The following SLC44A3 variants were observed in gnomAD, a reference collection of about 807,000 sequenced individuals.
SLC44A3 encodes the protein solute carrier family 44 member 3.
SLC44A3 carries 74 observed loss-of-function variants against 75.4 expected under a neutral mutation model. That is an observed-to-expected ratio of 0.98 (90% CI 0.81 to 1.19). The LOEUF (loss-of-function observed/expected upper bound fraction) is 1.19. SLC44A3 is among the 50% of genes most tolerant of loss of function. SLC44A3 has a pLI of 0.00. For synonymous variants in SLC44A3, 310 were observed against 296.9 expected, an observed-to-expected ratio of 1.04 and a Z score of -0.45; for missense variants, 700 against 778.6, an observed-to-expected ratio of 0.90 and a Z score of 1.20.
intron 5 of SLC44A3, among the ~76,000 whole-genome samples, chr1:94,831,065 C>T (rs1386738778): frequency 6.6e-6 from 1 of 152,168 alleles, no homozygotes; most frequent in East Asian, 1.9e-4. Context: ...TGAGTCAAGA[C>T]TTGATTTTAT....
chr1:94,894,804 C>T lies in SLC44A3; in HGVS notation c.1858-14C>T. 1 of 1,600,490 alleles carries T rather than the reference C, an allele frequency of 6.2e-7. No homozygotes were observed. Among genetic ancestry groups the T allele is most frequent in the Non-Finnish European group, 8.5e-7 (1 of 1,172,388 alleles). On this transcript the variant is annotated splice_polypyrimidine_tract_variant and intron_variant, in intron 14 of 14. Transcript: ENST00000271227. ...ACACATAATACTATTCTAACTTGTT[C>T]TTTTGTTTTTCAGAGTTTCGTAAAA... is the stretch of plus-strand genomic sequence containing the variant.
intron 9 of SLC44A3, among the ~76,000 whole-genome samples, chr1:94,850,614 G>T (rs1665101021): frequency 6.6e-6 from 1 of 152,198 alleles, no homozygotes; most frequent in Non-Finnish European, 1.5e-5. Context: ...CCCATCAAAT[G>T]ACCTGGAACC....
chr1:94,894,747 T>C (rs1670589386), intron 14 of SLC44A3, 71 bp from the exon 15 acceptor site: 2 of 1,313,836 alleles, frequency 1.5e-6, no homozygotes, highest in Non-Finnish European at 2.1e-6. Flanking sequence ...AGGAGAAGTT[T>C]TCCCTCGGCC....
chr1:94,851,874 C>T (rs1211408979), intron 9 of SLC44A3, among the ~76,000 whole-genome samples: 1 of 152,236 alleles, frequency 6.6e-6, no homozygotes, highest in African/African-American at 2.4e-5. Context: ...TCCTGACCAG[C>T]TGGACTGCCT....
At chr1:94,821,220 G>T (rs1321648540) in intron 2 of SLC44A3, among the ~76,000 whole-genome samples, 164 bp downstream of exon 2, 1 of 152,156 alleles carries the variant, frequency 6.6e-6, no homozygotes, top group Non-Finnish European at 1.5e-5. Context: ...TCCTAGACTC[G>T]CTAGAAAGGC....
rs1253898795 is a variant in SLC44A3 at position 94,891,282 on chromosome 1, C to G, written c.1620+15C>G. The G allele has an allele frequency of 6.3e-7, 1 of 1,592,682 alleles. No individual in the cohort carries two copies. Among genetic ancestry groups the G allele is most frequent in the African/African-American group, 1.4e-5 (1 of 73,446 alleles). On this transcript the variant is annotated intron_variant, in intron 13 of 14. Coordinates refer to ENST00000271227, the MANE Select transcript of SLC44A3 (RefSeq NM_001114106.3). Reference sequence around the variant, plus strand: ...TTCTAGGAAAGGTGAGATATCTTGACTAAATAAAGGAGCCTGGGATTCTGA... The same window carrying G: ...TTCTAGGAAAGGTGAGATATCTTGAGTAAATAAAGGAGCCTGGGATTCTGA...
chr1:94,859,949 C>T (rs1168195306), intron 10 of SLC44A3, among the ~76,000 whole-genome samples: 2 of 152,196 alleles, frequency 1.3e-5, no homozygotes, highest in African/African-American at 4.8e-5. Context: ...TTCCCTGACT[C>T]CTAGCAAAAC....
At chr1:94,854,342 ATTGT>A (rs1665587276) in intron 9 of SLC44A3, among the ~76,000 whole-genome samples, 1 of 152,190 alleles carries the variant, frequency 6.6e-6, no homozygotes, top group Non-Finnish European at 1.5e-5. Context: ...TGTGGCCCAC[ATTGT>A]TTGTCACACA....
chr1:94,893,387 C>CT (rs145525095), intron 14 of SLC44A3, among the ~76,000 whole-genome samples: 8,908 of 149,360 alleles, frequency 0.06, 351 homozygotes, highest in African/African-American at 0.1. Context: ...ACAAATTTTA[C>CT]TTTTTTTTTT....
intron 3 of SLC44A3, among the ~76,000 whole-genome samples, chr1:94,826,997 G>A (rs1661443244): frequency 6.6e-6 from 1 of 152,178 alleles, no homozygotes; most frequent in Non-Finnish European, 1.5e-5. Flanking sequence ...CTGCAGGAGG[G>A]TTCTCCTGAG....
chr1:94,859,000 G>A (rs996593889), intron 10 of SLC44A3, among the ~76,000 whole-genome samples: 1 of 152,110 alleles, frequency 6.6e-6, no homozygotes, highest in African/African-American at 2.4e-5. Context: ...ACCACTGTGG[G>A]TTTTTAATGT....
intron 5 of SLC44A3, among the ~76,000 whole-genome samples, chr1:94,835,467 G>A (rs1025520125): frequency 6.6e-6 from 1 of 152,244 alleles, no homozygotes; most frequent in Non-Finnish European, 1.5e-5. Flanking sequence ...CTGTGGTTAT[G>A]TAAGACATTT....
chr1:94,875,402 A>G (rs894045522), intron 12 of SLC44A3, among the ~76,000 whole-genome samples: 3 of 152,156 alleles, frequency 2.0e-5, no homozygotes, highest in Non-Finnish European at 2.9e-5. Context: ...CTCCCCTCAT[A>G]ATAGCGGAAT....
In SLC44A3 at chr1:94,864,686, G is replaced by A. The variant is rs551638422; in HGVS notation, c.1239-57G>A. 1.8e-4 allele frequency: 286 copies of A among 1,556,602 alleles called. 2 individuals carry two copies. The African/African-American group carries it at 3.4e-3, about 19-fold the overall frequency. ...TACCACAGATGATTGGAACCAGAGAGCTTTTGCTGCTTTATAAAAAGTGTT... is the reference window on the plus strand; with the variant it reads ...TACCACAGATGATTGGAACCAGAGAACTTTTGCTGCTTTATAAAAAGTGTT... On this transcript the variant is annotated intron_variant, in intron 10 of 14. Coordinates refer to ENST00000271227, the MANE Select transcript of SLC44A3 (RefSeq NM_001114106.3).
In SLC44A3 at chr1:94,864,808, A is replaced by G. The variant is rs1238053135; in HGVS notation, c.1304A>G (p.Gln435Arg). Residue 435 changes from glutamine (Q) to arginine (R), a missense_variant, in exon 11 of 15, where the codon CAA becomes CGA. By Grantham distance (43) the Gln-to-Arg change is conservative. Coordinates refer to ENST00000271227, the MANE Select transcript of SLC44A3 (RefSeq NM_001114106.3). The part of the protein sequence containing the change: ...SSLSILFFYH[Q>R]GTVVKGSFLI... Reference sequence around the variant, plus strand: ...CTCTCCATTCTCTTCTTCTACCATCAAGGAACCGTTGTGAAAGGGTCATTT... The same window carrying G: ...CTCTCCATTCTCTTCTTCTACCATCGAGGAACCGTTGTGAAAGGGTCATTT... The G allele has an allele frequency of 6.2e-7, 1 of 1,613,980 alleles. No individual in the cohort carries two copies.
chr1:94,887,301 A>C lies in SLC44A3; in HGVS notation c.1483-3829A>C, dbSNP rs1490266447. Among the ~76,000 whole-genome samples, 3 of 152,126 alleles carry C rather than the reference A, an allele frequency of 2.0e-5. No homozygotes were observed. In the East Asian group the frequency reaches 5.8e-4, roughly 30 times the overall value. ...AATGCTGAAGCTGCAGAAATGTTTA[A>C]TCCGTATCCTGTGTCTTGAGTGATT... On this transcript the variant is annotated intron_variant, in intron 12 of 14. Coordinates refer to ENST00000271227, the MANE Select transcript of SLC44A3 (RefSeq NM_001114106.3).
chr1:94,871,458 G>T (rs1434900179), intron 12 of SLC44A3, among the ~76,000 whole-genome samples: 1 of 152,168 alleles, frequency 6.6e-6, no homozygotes, highest in Non-Finnish European at 1.5e-5. Flanking sequence ...CTTTCCAGGG[G>T]CCTGGCTAAG....
rs1455425142 is a variant in SLC44A3, at chr1:94,850,283, G to A, written c.1072+4819G>A. Reference sequence around the variant, plus strand: ...GTCCATTGGGATTTGTCTGGTACCAGCAATAAGACAGTAATTACTAAAATC... The same window carrying A: ...GTCCATTGGGATTTGTCTGGTACCAACAATAAGACAGTAATTACTAAAATC... On this transcript the variant is annotated intron_variant, in intron 9 of 14. Transcript: ENST00000271227. Among the ~76,000 whole-genome samples the A allele has an allele frequency of 2.0e-5, 3 of 152,060 alleles. No homozygotes were observed. In the East Asian group the frequency reaches 5.8e-4, roughly 29 times the overall value.
At chr1:94,844,204 T>C (rs113308456) in intron 8 of SLC44A3, among the ~76,000 whole-genome samples, 1 of 152,172 alleles carries the variant, frequency 6.6e-6, no homozygotes, top group Non-Finnish European at 1.5e-5. Flanking sequence ...CCTAACTTAC[T>C]CTTGGAAAGT....
Sources: gnomAD v4.1 joint callset for allele counts (sites outside exome capture counted in the v4.1 genomes callset) on GRCh38, gnomAD v4.1.1 for gene constraint, MANE v1.5 for transcripts, NCBI Gene and HGNC (gene_info 2026-07-23, HGNC 2026-07-21) for gene names.